The following TAFA2 variants were observed in gnomAD, a reference collection of about 807,000 sequenced individuals.
TAFA2 encodes the protein TAFA chemokine like family member 2, also known as chemokine-like protein TAFA-2.
Under a neutral mutation model 18.8 loss-of-function variants are expected in TAFA2, and 7 were observed. That is an observed-to-expected ratio of 0.37 (90% CI 0.21 to 0.70). The LOEUF is 0.70. Among genes scored for constraint, TAFA2 ranks in the 30% least tolerant of loss-of-function variants. The pLI, the probability that TAFA2 is intolerant of heterozygous loss-of-function variation, is 0.53. For synonymous variants in TAFA2, 60 were observed against 54.2 expected (o/e 1.11, Z -0.47); for missense variants, 122 against 158.1 (o/e 0.77, Z 1.23).
intron 1 of TAFA2, chr12:62,258,416 A>T (rs905774487): frequency 6.6e-6 from 1 of 152,312 alleles, no homozygotes; most frequent in Admixed American, 6.5e-5. Context: ...TCAAAAATGC[A>T]TTTTCTCTTA....
chr12:62,116,653 T>G (rs914360463), intron 1 of TAFA2, among the ~76,000 whole-genome samples: 2 of 152,194 alleles, frequency 1.3e-5, no homozygotes, highest in African/African-American at 4.8e-5. Flanking sequence ...ACATCTGTGA[T>G]GTACAGACTG....
At chr12:61,870,606 T>C (rs1874557191) in intron 1 of TAFA2, among the ~76,000 whole-genome samples, 1 of 152,174 alleles carries the variant, frequency 6.6e-6, no homozygotes, top group Non-Finnish European at 1.5e-5. Context: ...AATCTCATTT[T>C]ATGTCATTTT....
chr12:62,041,067 A>G (rs1027979200), intron 1 of TAFA2, among the ~76,000 whole-genome samples: 2 of 152,192 alleles, frequency 1.3e-5, no homozygotes, highest in African/African-American at 4.8e-5. Context: ...TCTCAAAACA[A>G]TCTGATGAGG....
chr12:62,129,636 A>T lies in TAFA2; in HGVS notation c.-2+61623T>A, dbSNP rs115125762. Among the ~76,000 whole-genome samples the T allele has an allele frequency of 4.6e-3, 698 of 152,136 alleles. 6 individuals are homozygous for T. Among genetic ancestry groups the T allele is most frequent in the African/African-American group, 0.016 (648 of 41,540 alleles). ...TACTAAATCCTAATTTAATTTTAAAAAATGTTAAGTGCAGGGTAGGGTCTC... is the reference window on the plus strand; with the variant it reads ...TACTAAATCCTAATTTAATTTTAAATAATGTTAAGTGCAGGGTAGGGTCTC... On this transcript the variant is annotated intron_variant, in intron 1 of 4. Coordinates refer to ENST00000416284, the MANE Select transcript of TAFA2 (RefSeq NM_178539.5).
chr12:61,804,648 C>T (rs1871535462), intron 2 of TAFA2, among the ~76,000 whole-genome samples: 1 of 152,040 alleles, frequency 6.6e-6, no homozygotes, highest in Admixed American at 6.6e-5. Context: ...AAACAAGTTT[C>T]TACAGCACTC....
In TAFA2 at chr12:61,924,743, T is replaced by C. The variant is rs190468103; in HGVS notation, c.-1-57317A>G. Among the ~76,000 whole-genome samples the C allele has an allele frequency of 1.3e-4, 20 of 152,220 alleles. No individual in the cohort carries two copies. The East Asian group carries it at 3.5e-3, about 26-fold the overall frequency. On this transcript the variant is annotated intron_variant, in intron 1 of 4. Coordinates refer to ENST00000416284, the MANE Select transcript of TAFA2 (RefSeq NM_178539.5). ...GGATCAAATTCACACATAACAATAT[T>C]AATCTCAAAAGTAAATGGGCTAAAT...
rs200743607 is a variant in TAFA2, at chr12:62,083,722, TA to T, written c.-2+107536del. Among the ~76,000 whole-genome samples, 802 of 152,270 alleles carry T rather than the reference TA, an allele frequency of 5.3e-3. 24 individuals are homozygous for T. The highest frequency in any genetic ancestry group is 1.8e-3 in the Non-Finnish European group (125 of 68,020). On this transcript the variant is annotated intron_variant, in intron 1 of 4. Coordinates refer to ENST00000416284, the MANE Select transcript of TAFA2 (RefSeq NM_178539.5). ...AAATGTGTCTTACACTTTTTAAATA[TA>T]TTTTTTTTTGTAGCAATGGCTAGCT...
intron 1 of TAFA2, among the ~76,000 whole-genome samples, chr12:61,892,359 G>A (rs974442789): frequency 2.0e-5 from 3 of 152,118 alleles, no homozygotes; most frequent in South Asian, 2.1e-4. Context: ...CAAACCTGAA[G>A]CTTAGGGAGA....
At chr12:62,103,018 A>C (rs1339573173) in intron 1 of TAFA2, among the ~76,000 whole-genome samples, 1 of 152,200 alleles carries the variant, frequency 6.6e-6, no homozygotes, top group African/African-American at 2.4e-5. Context: ...CCTTGTGCTC[A>C]TGCAACCTCT....
chr12:62,200,005 G>A (rs1309815053), intron 1 of TAFA2, among the ~76,000 whole-genome samples: 1 of 152,184 alleles, frequency 6.6e-6, no homozygotes, highest in Non-Finnish European at 1.5e-5. Flanking sequence ...CTAATGATCA[G>A]TGATGTTGAG....
chr12:61,924,999 T>C (rs1350625101), intron 1 of TAFA2, among the ~76,000 whole-genome samples: 6 of 152,120 alleles, frequency 3.9e-5, no homozygotes, highest in Non-Finnish European at 5.9e-5. Context: ...AAGGGAATTA[T>C]CTAATGGTAA....
At chr12:62,234,983 A>C (rs958892063) in intron 1 of TAFA2, 34 of 672,958 alleles carry the variant, frequency 5.1e-5, no homozygotes, top group Non-Finnish European at 9.6e-5. Context: ...ATGTTTCATC[A>C]GAAGGTACTG....
chr12:61,916,369 C>T (rs1876820617), intron 1 of TAFA2, among the ~76,000 whole-genome samples: 1 of 152,142 alleles, frequency 6.6e-6, no homozygotes, highest in African/African-American at 2.4e-5. Context: ...TGTTTCATTA[C>T]ACTCCTCGAC....
intron 1 of TAFA2, among the ~76,000 whole-genome samples, chr12:61,876,074 T>A (rs963476617): frequency 3.9e-5 from 6 of 152,208 alleles, no homozygotes; most frequent in Non-Finnish European, 8.8e-5. Context: ...CTGTATATAA[T>A]ATTCATAATA....
At chr12:62,195,166 T>C (rs1920094), upstream of TAFA2, among the ~76,000 whole-genome samples, 133,714 of 152,280 alleles carry the variant, frequency 0.88, 58,803 homozygotes, top group Middle Eastern at 0.93. Flanking sequence ...CTCTGTAACA[T>C]GCAATGCTGC....
chr12:62,236,866 AC>A (rs2062840125), intron 1 of TAFA2, among the ~76,000 whole-genome samples: 1 of 152,054 alleles, frequency 6.6e-6, no homozygotes, highest in Non-Finnish European at 1.5e-5. Context: ...TTTTCTCACT[AC>A]TTTTAGAATC....
chr12:62,203,150 G>C (rs1443871056), intron 1 of TAFA2, among the ~76,000 whole-genome samples: 1 of 152,134 alleles, frequency 6.6e-6, no homozygotes, highest in African/African-American at 2.4e-5. Flanking sequence ...GTGGTTCTGA[G>C]GGGGTTTCTT....
chr12:62,246,802 T>C lies in TAFA2; in HGVS notation c.-130+11961A>G, dbSNP rs920214232. ...GTAAAGACAACTCTAAATTTTGATA[T>C]GCCAGCAAAACCAGTATTCTTTCAT... On this transcript the variant is annotated intron_variant, in intron 1 of 5. Transcript: ENST00000551619. Among the ~76,000 whole-genome samples the C allele has an allele frequency of 2.0e-5, 3 of 152,318 alleles. No individual in the cohort carries two copies. In the South Asian group the frequency reaches 6.2e-4, roughly 32 times the overall value.
At chr12:61,916,435 C>T (rs910420145) in intron 1 of TAFA2, among the ~76,000 whole-genome samples, 2 of 152,006 alleles carry the variant, frequency 1.3e-5, no homozygotes, top group African/African-American at 2.4e-5. Context: ...GTACAGTAAC[C>T]GACATACAGA....
Sources: gnomAD v4.1 joint callset for allele counts (sites outside exome capture counted in the v4.1 genomes callset) on GRCh38, gnomAD v4.1.1 for gene constraint, MANE v1.5 for transcripts, NCBI Gene and HGNC (gene_info 2026-07-23, HGNC 2026-07-21) for gene names.